CRYZL1: variants seen among roughly 807,000 people sequenced by gnomAD.
The protein encoded by CRYZL1 is ferry endosomal RAB5 effector complex subunit 4.
A neutral mutation model predicts 50.6 loss-of-function variants in CRYZL1; 34 were observed. The observed-to-expected ratio is 0.67, with a 90% CI of 0.51 to 0.89. CRYZL1 has a LOEUF of 0.89. CRYZL1 is among the 40% of genes least tolerant of loss of function. The pLI, the probability that CRYZL1 is intolerant of heterozygous loss-of-function variation, is 0.00. For synonymous variants in CRYZL1, 125 were observed against 134.3 expected (o/e 0.93, Z 0.48); for missense variants, 354 against 402.3 (o/e 0.88, Z 1.03).
chr21:33,615,065 T>C (rs1002906099), intron 5 of CRYZL1, among the ~76,000 whole-genome samples: 2 of 152,112 alleles, frequency 1.3e-5, no homozygotes, highest in Non-Finnish European at 1.5e-5. Flanking sequence ...TGATGAAAAC[T>C]TTCTTACAAA....
chr21:33,599,269 G>A (rs376830789), intron 8 of CRYZL1, 21 bp from the exon 9 acceptor site: 47 of 1,613,628 alleles, frequency 2.9e-5, no homozygotes, highest in Non-Finnish European at 4.0e-5. Context: ...CAGGAAATCA[G>A]GCAATTGTAC....
intron 6 of CRYZL1, among the ~76,000 whole-genome samples, 167 bp from the exon 7 acceptor site, chr21:33,603,704 C>T (rs1321793614): frequency 6.6e-6 from 1 of 152,094 alleles, no homozygotes; most frequent in African/African-American, 2.4e-5. Context: ...AATAATTCTC[C>T]ATATAGGAGT....
chr21:33,603,630 G>T, intron 6 of CRYZL1, 93 bp from the exon 7 acceptor site: 6 of 1,438,832 alleles, frequency 4.2e-6, no homozygotes, highest in African/African-American at 2.8e-5. Flanking sequence ...TACTACTATG[G>T]CCCTGGTCCA....
At chr21:33,616,084 C>A (rs142525567) in intron 5 of CRYZL1, among the ~76,000 whole-genome samples, 3 of 151,930 alleles carry the variant, frequency 2.0e-5, no homozygotes, top group East Asian at 1.9e-4. Context: ...CTCCCCCCCC[C>A]AACCCCACCA....
chr21:33,593,857 T>C (rs1212625370), intron 11 of CRYZL1, among the ~76,000 whole-genome samples: 1 of 151,638 alleles, frequency 6.6e-6, no homozygotes, highest in Admixed American at 6.6e-5. Flanking sequence ...TGGTGGCGCA[T>C]GTCTGTAATC....
chr21:33,598,806 GTTTTTTT>G (rs775141021), intron 9 of CRYZL1, among the ~76,000 whole-genome samples: 2 of 125,702 alleles, frequency 1.6e-5, no homozygotes, highest in East Asian at 4.6e-4. Flanking sequence ...ACATTTTTGA[GTTTTTTT>G]TTTTTTTTTT....
chr21:33,632,535 GCCC>G (rs2087153664), intron 1 of CRYZL1, among the ~76,000 whole-genome samples: 1 of 151,674 alleles, frequency 6.6e-6, no homozygotes, highest in Non-Finnish European at 1.5e-5. Context: ...GCGCCACCAT[GCCC>G]GGCTAAATTT....
chr21:33,612,455 T>A (rs2086882311), intron 6 of CRYZL1, among the ~76,000 whole-genome samples: 1 of 152,068 alleles, frequency 6.6e-6, no homozygotes. Context: ...CCAGCTAAGA[T>A]TTTTTGTATT....
rs1356389613 is a variant in CRYZL1, at chr21:33,602,162, C to T, written c.577+72G>A. The T allele has an allele frequency of 8.0e-6, 7 of 873,450 alleles. No individual in the cohort carries two copies. In the Admixed American group the frequency reaches 1.3e-4, roughly 16 times the overall value. The allele number at this position is 873,450 out of a possible 1,614,324, so 54.1% of individuals were successfully genotyped here. A position where few individuals can be genotyped will look rare whatever the true frequency, so the allele number is the denominator to read the frequency against. ...GCCAGGGATTTTGTACTTGGTTTTA[C>T]AAGTACATTTTTAAAGGTGATTTTC... On this transcript the variant is annotated intron_variant, in intron 8 of 12. Transcript: ENST00000381554.
chr21:33,624,075 TTA>T (rs2087032599), intron 3 of CRYZL1, among the ~76,000 whole-genome samples: 1 of 152,184 alleles, frequency 6.6e-6, no homozygotes, highest in Non-Finnish European at 1.5e-5. Context: ...TTATAAACTC[TTA>T]GTTTTTTGCA....
chr21:33,613,988 T>G (rs2086900383), intron 5 of CRYZL1, among the ~76,000 whole-genome samples: 2 of 151,782 alleles, frequency 1.3e-5, no homozygotes, highest in South Asian at 2.1e-4. Flanking sequence ...CTGGCCAACA[T>G]GGAGAAACCC....
intron 8 of CRYZL1, among the ~76,000 whole-genome samples, chr21:33,601,768 T>C (rs192168897): frequency 6.8e-4 from 104 of 151,920 alleles, no homozygotes; most frequent in African/African-American, 2.4e-3. Flanking sequence ...ATACAAAAAA[T>C]TAGCTGGGCG....
chr21:33,610,003 CT>C (rs35773163), intron 6 of CRYZL1, among the ~76,000 whole-genome samples: 462 of 135,988 alleles, frequency 3.4e-3, no homozygotes, highest in Middle Eastern at 0.015. Flanking sequence ...CATGCCTAGC[CT>C]TTTTTTTTTT....
At chr21:33,613,090 TGCTG>T (rs1336159818) in intron 6 of CRYZL1, among the ~76,000 whole-genome samples, 3 of 152,202 alleles carry the variant, frequency 2.0e-5, no homozygotes, top group Non-Finnish European at 2.9e-5. Flanking sequence ...CCTCCCAAAG[TGCTG>T]GGATTACAGG....
At chr21:33,610,677 A>G (rs953264530) in intron 6 of CRYZL1, among the ~76,000 whole-genome samples, 9 of 149,380 alleles carry the variant, frequency 6.0e-5, no homozygotes, top group Admixed American at 4.7e-4. Context: ...GGTCCATGTC[A>G]TAATTCTCCA....
intron 12 of CRYZL1, among the ~76,000 whole-genome samples, chr21:33,590,563 C>T (rs748282041): frequency 2.0e-5 from 3 of 151,938 alleles, no homozygotes; most frequent in Non-Finnish European, 4.4e-5. Context: ...TATGGGCGTT[C>T]GCCACCACGC....
intron 1 of CRYZL1, among the ~76,000 whole-genome samples, chr21:33,635,712 A>G (rs974267689): frequency 2.2e-3 from 1 of 464 alleles, no homozygotes; most frequent in Non-Finnish European, 5.0e-3. Flanking sequence ...TAGGCCGGGC[A>G]TGGTGCTCAC....
chr21:33,625,260 A>G (rs939023838), intron 2 of CRYZL1, among the ~76,000 whole-genome samples: 32 of 150,498 alleles, frequency 2.1e-4, no homozygotes, highest in Non-Finnish European at 3.7e-4. Flanking sequence ...GGTTCATGCC[A>G]TTCTCCTGCC....
chr21:33,614,618 C>A (rs1428452323), intron 5 of CRYZL1, among the ~76,000 whole-genome samples: 6 of 152,144 alleles, frequency 3.9e-5, no homozygotes, highest in Non-Finnish European at 7.3e-5. Flanking sequence ...GTTGCCTAGG[C>A]TGGAGTGCAA....
Sources: allele counts gnomAD v4.1 joint callset (sites outside exome capture counted in the v4.1 genomes callset), GRCh38; gene constraint gnomAD v4.1.1; transcripts MANE v1.5; gene names NCBI Gene and HGNC (gene_info 2026-07-23, HGNC 2026-07-21).